ROBO1: variants seen among roughly 807,000 people sequenced by gnomAD.
The protein encoded by ROBO1 is roundabout guidance receptor 1, also known as roundabout homolog 1.
A neutral mutation model predicts 195.9 loss-of-function variants in ROBO1; 149 were observed. The ratio of observed to expected loss-of-function variants is 0.76; its 90% CI spans 0.67 to 0.87. The LOEUF (loss-of-function observed/expected upper bound fraction) is 0.87, where lower values mean the gene tolerates loss of function less well. Among genes scored for constraint, ROBO1 ranks in the 40% least tolerant of loss-of-function variants. ROBO1 has a pLI of 0.00. For missense variants in ROBO1, 1,933 were observed against 2,068.3 expected, an observed-to-expected ratio of 0.93 and a Z score of 1.27; for synonymous variants, 816 against 733.2, an observed-to-expected ratio of 1.11 and a Z score of -1.82.
chr3:78,652,064 C>T, intron 18 of ROBO1, 135 bp from the exon 19 acceptor site: 1 of 698,218 alleles, frequency 1.4e-6, no homozygotes. Flanking sequence ...TCACCATCAT[C>T]AAATAAAATA....
At chr3:78,924,645 A>G (rs2039113403) in intron 4 of ROBO1, among the ~76,000 whole-genome samples, 1 of 151,820 alleles carries the variant, frequency 6.6e-6, no homozygotes, top group Non-Finnish European at 1.5e-5. Context: ...AATCCCTTTA[A>G]AACTGAACGA....
rs80261755 is a variant in ROBO1, at chr3:79,484,567, G to C, written c.88+105257C>G. On this transcript the variant is annotated intron_variant, in intron 2 of 30. Transcript: ENST00000464233. Reference sequence around the variant, plus strand: ...TATTTTAATAATTGGCTGAGATTTAGAAATAAGGATTCTTTTACAATTTAG... The same window carrying C: ...TATTTTAATAATTGGCTGAGATTTACAAATAAGGATTCTTTTACAATTTAG... 2.2e-3 allele frequency among the ~76,000 whole-genome samples: 338 copies of C among 151,816 alleles called. 2 individuals carry two copies. The highest frequency in any genetic ancestry group is 7.7e-3 in the African/African-American group (318 of 41,428).
chr3:79,607,377 A>G (rs1944522368), intron 1 of ROBO1, among the ~76,000 whole-genome samples: 1 of 151,634 alleles, frequency 6.6e-6, no homozygotes, highest in Non-Finnish European at 1.5e-5. Flanking sequence ...TAAGTTACCC[A>G]GTGAGTATAA....
At chr3:78,936,247 C>A (rs2039799948) in intron 4 of ROBO1, among the ~76,000 whole-genome samples, 1 of 151,486 alleles carries the variant, frequency 6.6e-6, no homozygotes, top group Admixed American at 6.6e-5. Context: ...TTGTTAGGAA[C>A]CAAGAAATAC....
chr3:78,774,309 CT>C (rs1196923856), intron 4 of ROBO1, among the ~76,000 whole-genome samples: 1 of 151,540 alleles, frequency 6.6e-6, no homozygotes, highest in Non-Finnish European at 1.5e-5. Context: ...AAGATATTTG[CT>C]AAAAGTTTTT....
chr3:78,836,702 TATG>T (rs2032766160), intron 4 of ROBO1, among the ~76,000 whole-genome samples: 1 of 152,104 alleles, frequency 6.6e-6, no homozygotes, highest in Non-Finnish European at 1.5e-5. Flanking sequence ...AACTGACCTG[TATG>T]ATAATAAAGA....
At position 79,610,791 on chromosome 3, in the gene ROBO1, C is replaced by T. The variant is rs1049242194; in HGVS notation, c.-50-20830G>A. Among the ~76,000 whole-genome samples, 52 of 152,118 alleles carry T rather than the reference C, an allele frequency of 3.4e-4. 1 individual carries two copies. Among genetic ancestry groups the T allele is most frequent in the African/African-American group, 1.2e-3 (48 of 41,538 alleles). ...TTGAAGAAGGGATACCATGTTAGTT[C>T]TTTACATCCAAAGCAGTGTTAAATG... On this transcript the variant is annotated intron_variant, in intron 1 of 30. Transcript: ENST00000464233.
chr3:79,616,293 T>A (rs1290943008), intron 1 of ROBO1, among the ~76,000 whole-genome samples: 1 of 152,158 alleles, frequency 6.6e-6, no homozygotes, highest in Non-Finnish European at 1.5e-5. Context: ...TGTCTCCACA[T>A]CACTAGGTGC....
At chr3:78,928,016 C>T (rs1323578082) in intron 4 of ROBO1, among the ~76,000 whole-genome samples, 1 of 152,162 alleles carries the variant, frequency 6.6e-6, no homozygotes, top group African/African-American at 2.4e-5. Context: ...GTTCTGAGCA[C>T]TATAGATACA....
At position 78,963,494 on chromosome 3, in the gene ROBO1, G is replaced by GTTTTTTTTTTTTTTT. The variant is rs750158094; in HGVS notation, c.173-24582_173-24568dup. 1.5e-4 allele frequency among the ~76,000 whole-genome samples: 11 copies of GTTTTTTTTTTTTTTT among 72,312 alleles called. 2 individuals are homozygous for GTTTTTTTTTTTTTTT. The highest frequency in any genetic ancestry group is 6.7e-4 in the South Asian group (1 of 1,486). The allele number at this position is 72,312 out of a possible 152,430, so 47.4% of individuals were successfully genotyped here. The stretch of plus-strand genomic sequence containing the variant: ...GAGAAGATCCAGAGGAAAACCTTCA[G>GTTTTTTTTTTTTTTT]TTTTTTTTTTTTTTTTTTTTTTTTT... On this transcript the variant is annotated intron_variant, in intron 3 of 30. Coordinates refer to ENST00000464233, the MANE Select transcript of ROBO1 (RefSeq NM_002941.4).
At chr3:79,384,697 T>G (rs2106651252) in intron 2 of ROBO1, among the ~76,000 whole-genome samples, 1 of 152,156 alleles carries the variant, frequency 6.6e-6, no homozygotes, top group East Asian at 1.9e-4. Context: ...AAGTCCTAGA[T>G]GTTGCATTAC....
chr3:79,136,515 T>C (rs1187219733), intron 2 of ROBO1, among the ~76,000 whole-genome samples: 1 of 152,146 alleles, frequency 6.6e-6, no homozygotes, highest in Admixed American at 6.6e-5. Flanking sequence ...AGAATTGTGT[T>C]CTACAAATTG....
In ROBO1 at chr3:78,598,881, C is replaced by T. The variant is rs1702996817; in HGVS notation, c.*32G>A. The T allele has an allele frequency of 6.7e-7, 1 of 1,497,190 alleles. No individual in the cohort carries two copies. The highest frequency in any genetic ancestry group is 2.3e-5 in the East Asian group (1 of 43,610). 92.7% of individuals were successfully genotyped at this position (1,497,190 alleles called of 1,614,324 possible). A position where few individuals can be genotyped will look rare whatever the true frequency, so the allele number is the denominator to read the frequency against. On this transcript the variant is annotated 3_prime_UTR_variant, in exon 31 of 31. Coordinates refer to ENST00000464233, the MANE Select transcript of ROBO1 (RefSeq NM_002941.4). ...AGGAGGCATCTTGAGTGATGATTTTCACATTAGATCTCATAAGCCTCTTGG... is the reference window on the plus strand; with the variant it reads ...AGGAGGCATCTTGAGTGATGATTTTTACATTAGATCTCATAAGCCTCTTGG...
intron 2 of ROBO1, among the ~76,000 whole-genome samples, chr3:79,543,531 C>A (rs780302764): frequency 6.6e-6 from 1 of 152,012 alleles, no homozygotes; most frequent in African/African-American, 2.4e-5. Flanking sequence ...ACCTGTTAAA[C>A]GGATCATCCG....
intron 2 of ROBO1, among the ~76,000 whole-genome samples, chr3:79,358,586 T>A (rs2035649639): frequency 6.6e-6 from 1 of 152,072 alleles, no homozygotes. Flanking sequence ...TGTATGGGAA[T>A]CCAAGGTGTG....
intron 2 of ROBO1, among the ~76,000 whole-genome samples, chr3:79,550,769 G>A (rs1942481396): frequency 6.6e-6 from 1 of 152,138 alleles, no homozygotes; most frequent in African/African-American, 2.4e-5. Context: ...GGGGTTGATG[G>A]TATATGAATA....
intron 2 of ROBO1, among the ~76,000 whole-genome samples, chr3:79,160,494 AT>A (rs2080938804): frequency 6.6e-6 from 1 of 152,016 alleles, no homozygotes; most frequent in South Asian, 2.1e-4. Flanking sequence ...AACTGAGGGC[AT>A]ATTGTAGGTT....
intron 2 of ROBO1, among the ~76,000 whole-genome samples, chr3:79,584,303 T>C (rs1170157653): frequency 1.3e-5 from 2 of 149,326 alleles, no homozygotes; most frequent in Non-Finnish European, 3.0e-5. Flanking sequence ...TATATGCTGT[T>C]ACCTGGACAG....
chr3:79,508,372 C>A lies in ROBO1; in HGVS notation c.88+81452G>T, dbSNP rs115600183. 4.5e-3 allele frequency among the ~76,000 whole-genome samples: 686 copies of A among 152,184 alleles called. 5 individuals are homozygous for A. Among genetic ancestry groups the A allele is most frequent in the African/African-American group, 0.016 (646 of 41,532 alleles). ...CCAAACAGTGAGGCCAGAGAAGAAA[C>A]CAATCCTGCCTAAACGTTGATCTCA... On this transcript the variant is annotated intron_variant, in intron 2 of 30. Coordinates refer to ENST00000464233, the MANE Select transcript of ROBO1 (RefSeq NM_002941.4).
Sources: allele counts gnomAD v4.1 joint callset (sites outside exome capture counted in the v4.1 genomes callset), GRCh38; gene constraint gnomAD v4.1.1; transcripts MANE v1.5; gene names NCBI Gene and HGNC (gene_info 2026-07-23, HGNC 2026-07-21).